RAI14: variants seen among roughly 807,000 people sequenced by gnomAD.
RAI14 encodes ankycorbin.
RAI14 carries 45 observed loss-of-function variants against 115.4 expected under a neutral mutation model. The ratio of observed to expected loss-of-function variants is 0.39; its 90% CI spans 0.31 to 0.50. The LOEUF (loss-of-function observed/expected upper bound fraction) is 0.50. Among genes scored for constraint, RAI14 ranks in the 20% least tolerant of loss-of-function variants. RAI14 has a pLI of 0.85. For missense variants in RAI14, 939 were observed against 1,131.2 expected (o/e 0.83, Z 2.44); for synonymous variants, 371 against 415.4 (o/e 0.89, Z 1.30).
At chr5:34,676,114 C>G (rs541030693) in intron 1 of RAI14, among the ~76,000 whole-genome samples, 1 of 152,276 alleles carries the variant, frequency 6.6e-6, no homozygotes, top group South Asian at 2.1e-4. Flanking sequence ...ATGACTATAC[C>G]ATTTTACATT....
intron 2 of RAI14, among the ~76,000 whole-genome samples, chr5:34,756,608 C>T (rs1252125907): frequency 1.3e-5 from 2 of 152,218 alleles, no homozygotes; most frequent in Non-Finnish European, 1.5e-5. Context: ...TGCTTCAACA[C>T]CTCCCAATGA....
chr5:34,728,620 C>T (rs1377202802), intron 2 of RAI14: 1 of 152,090 alleles, frequency 6.6e-6, no homozygotes, highest in African/African-American at 2.4e-5. Flanking sequence ...CTTCCTTTGT[C>T]TTCTGCCATG....
At chr5:34,710,522 GC>G (rs772114424) in intron 2 of RAI14, among the ~76,000 whole-genome samples, 2 of 152,178 alleles carry the variant, frequency 1.3e-5, no homozygotes, top group Non-Finnish European at 2.9e-5. Context: ...TGACTCTAGG[GC>G]CCTTAGCCTC....
chr5:34,779,915 C>G (rs965414815), intron 3 of RAI14, among the ~76,000 whole-genome samples: 6 of 152,178 alleles, frequency 3.9e-5, no homozygotes, highest in Non-Finnish European at 5.9e-5. Context: ...ATTGCCAAGT[C>G]AATCCTAAGC....
At chr5:34,659,299 G>A (rs1478747220) in intron 1 of RAI14, among the ~76,000 whole-genome samples, 6 of 152,090 alleles carry the variant, frequency 3.9e-5, no homozygotes, top group African/African-American at 1.4e-4. Context: ...CTGCGGTCTC[G>A]CTCTGTCACC....
chr5:34,670,527 C>G (rs150251672), intron 1 of RAI14, among the ~76,000 whole-genome samples: 4 of 152,234 alleles, frequency 2.6e-5, no homozygotes, highest in African/African-American at 9.6e-5. Context: ...CTGTTATTAT[C>G]ATTGCTAATG....
rs568037536 is a variant in RAI14 at position 34,800,098 on chromosome 5, G to A, written c.257-3614G>A. Among the ~76,000 whole-genome samples, 8 of 152,300 alleles carry A rather than the reference G, an allele frequency of 5.3e-5. No individual in the cohort carries two copies. The East Asian group carries it at 9.6e-4, about 18-fold the overall frequency. ...AACCCTGTCAGAAGATAAGGCCTTG[G>A]ATGTGATTATAGTGCAATATCAACT... On this transcript the variant is annotated intron_variant, in intron 4 of 17. Coordinates refer to ENST00000265109, the MANE Select transcript of RAI14 (RefSeq NM_015577.3).
At chr5:34,788,204 C>T (rs1752544682) in intron 3 of RAI14, among the ~76,000 whole-genome samples, 1 of 151,976 alleles carries the variant, frequency 6.6e-6, no homozygotes. Flanking sequence ...CAGGTGTGAG[C>T]CACCACACCT....
At chr5:34,727,699 C>T (rs1380130274) in intron 2 of RAI14, among the ~76,000 whole-genome samples, 2 of 152,162 alleles carry the variant, frequency 1.3e-5, no homozygotes, top group African/African-American at 4.8e-5. Flanking sequence ...GCCTTGGCAG[C>T]TTCTGCATGG....
rs1464343244 is a variant in RAI14, at chr5:34,811,675, T to A, written c.558-92T>A. Reference sequence around the variant, plus strand: ...GTAATAAAGGTTTAACTGCACTTAATCTTCTTTTCTCTTTTTTTAAGACAA... The same window carrying A: ...GTAATAAAGGTTTAACTGCACTTAAACTTCTTTTCTCTTTTTTTAAGACAA... On this transcript the variant is annotated intron_variant, in intron 8 of 17. Transcript: ENST00000265109. The A allele has an allele frequency of 5.9e-6, 7 of 1,181,388 alleles. No homozygotes were observed. The African/African-American group carries it at 1.1e-4, about 19-fold the overall frequency. The allele number at this position is 1,181,388 out of a possible 1,614,324, so 73.2% of individuals were successfully genotyped here.
intron 1 of RAI14, among the ~76,000 whole-genome samples, chr5:34,661,581 G>C (rs1407579442): frequency 6.6e-6 from 1 of 152,046 alleles, no homozygotes; most frequent in Non-Finnish European, 1.5e-5. Context: ...TTAAATCTAT[G>C]TGATTTATCC....
chr5:34,830,631 G>T (rs1757946075), intron 17 of RAI14, 57 bp from the exon 18 acceptor site: 1 of 1,610,836 alleles, frequency 6.2e-7, no homozygotes, highest in Admixed American at 1.7e-5. Context: ...CCCCAGAGAA[G>T]AAAGTGCCAT....
At chr5:34,747,908 G>A (rs573454369) in intron 2 of RAI14, among the ~76,000 whole-genome samples, 50 of 152,264 alleles carry the variant, frequency 3.3e-4, no homozygotes, top group African/African-American at 1.2e-3. Context: ...TCCAGTGGAA[G>A]GTGGACAGAC....
chr5:34,752,860 C>T (rs780665706), intron 2 of RAI14, among the ~76,000 whole-genome samples: 26 of 150,662 alleles, frequency 1.7e-4, no homozygotes, highest in Non-Finnish European at 3.2e-4. Flanking sequence ...CTCCACCTCC[C>T]GGGTTCAAAC....
chr5:34,744,692 C>G (rs1745943930), intron 2 of RAI14, among the ~76,000 whole-genome samples: 1 of 152,194 alleles, frequency 6.6e-6, no homozygotes, highest in Non-Finnish European at 1.5e-5. Flanking sequence ...CCTCAGTTTT[C>G]TCATCAGTAA....
At chr5:34,668,318 C>T (rs536287158) in intron 1 of RAI14, among the ~76,000 whole-genome samples, 8 of 151,380 alleles carry the variant, frequency 5.3e-5, no homozygotes, top group South Asian at 2.1e-4. Flanking sequence ...TGCTTGAACT[C>T]GGGAAGCGGA....
intron 3 of RAI14, among the ~76,000 whole-genome samples, chr5:34,778,026 G>T (rs1751105851): frequency 6.6e-6 from 1 of 152,172 alleles, no homozygotes; most frequent in East Asian, 1.9e-4. Flanking sequence ...CCCATACATG[G>T]AAATGATAAA....
At chr5:34,818,453 T>C (rs7705004) in intron 12 of RAI14, among the ~76,000 whole-genome samples, 91,778 of 152,002 alleles carry the variant, frequency 0.6, 27,954 homozygotes, top group Admixed American at 0.66. Flanking sequence ...CACTATTTGC[T>C]GTCTCAGTTT....
chr5:34,727,929 A>C (rs1006514987), intron 2 of RAI14, among the ~76,000 whole-genome samples: 1 of 152,188 alleles, frequency 6.6e-6, no homozygotes, highest in Admixed American at 6.5e-5. Flanking sequence ...AGCTGTGAGA[A>C]GAAGGCCACT....
Sources: allele counts gnomAD v4.1 joint callset (sites outside exome capture counted in the v4.1 genomes callset), GRCh38; gene constraint gnomAD v4.1.1; transcripts MANE v1.5; gene names NCBI Gene and HGNC (gene_info 2026-07-23, HGNC 2026-07-21).